The following HMCN1 variants were observed in gnomAD, a reference collection of about 807,000 sequenced individuals.
HMCN1 encodes hemicentin 1.
In HMCN1, 321 loss-of-function variants were observed where a neutral mutation model predicts 625.9. That is an observed-to-expected ratio of 0.51 (90% CI 0.47 to 0.56). HMCN1 has a LOEUF of 0.56. Among genes scored for constraint, HMCN1 ranks in the 20% least tolerant of loss-of-function variants. The pLI, the probability that HMCN1 is intolerant of heterozygous loss-of-function variation, is 0.00. For missense variants in HMCN1, 6,588 were observed against 6,887.3 expected (o/e 0.96, Z 1.54); for synonymous variants, 2,425 against 2,417.6 (o/e 1.00, Z -0.09).
chr1:186,001,590 A>C lies in HMCN1; in HGVS notation c.4201-4A>C. The C allele has an allele frequency of 6.2e-7, 1 of 1,613,024 alleles. No homozygotes were observed. The highest frequency in any genetic ancestry group is 1.1e-5 in the South Asian group (1 of 91,056). ...AATAACACTGACCATTTTGGCCCTT[A>C]AAGGTGACTGAAAGCAGCACTATTC... On this transcript the variant is annotated splice_region_variant and splice_polypyrimidine_tract_variant and intron_variant, in intron 27 of 106. Coordinates refer to ENST00000271588, the MANE Select transcript of HMCN1 (RefSeq NM_031935.3).
intron 30 of HMCN1, among the ~76,000 whole-genome samples, chr1:186,012,837 G>A (rs1049199980): frequency 5.9e-5 from 9 of 152,000 alleles, no homozygotes; most frequent in African/African-American, 1.9e-4. Flanking sequence ...CGGGAATATT[G>A]TGGTGGCTGC....
chr1:185,829,404 C>T (rs1046092070), intron 1 of HMCN1, among the ~76,000 whole-genome samples: 1 of 152,060 alleles, frequency 6.6e-6, no homozygotes, highest in Admixed American at 6.6e-5. Context: ...AAGTTCGCTC[C>T]CCTCACCCCT....
chr1:186,002,308 T>C (rs1653252381), intron 28 of HMCN1, among the ~76,000 whole-genome samples: 1 of 152,144 alleles, frequency 6.6e-6, no homozygotes, highest in Non-Finnish European at 1.5e-5. Flanking sequence ...GTTTGTGAAA[T>C]TATATTTGCC....
At chr1:186,112,730 A>C in intron 71 of HMCN1, 82 bp from the exon 72 acceptor site, 1 of 1,535,824 alleles carries the variant, frequency 6.5e-7, no homozygotes, top group Non-Finnish European at 8.9e-7. Flanking sequence ...AGTTCACTAT[A>C]CTTACTTTTG....
intron 1 of HMCN1, among the ~76,000 whole-genome samples, chr1:185,786,868 C>T (rs1657610777): frequency 6.6e-6 from 1 of 152,244 alleles, no homozygotes; most frequent in East Asian, 1.9e-4. Flanking sequence ...CCCAATGCTA[C>T]GTTTGCCAAC....
intron 30 of HMCN1, among the ~76,000 whole-genome samples, chr1:186,013,246 T>C (rs151002601): frequency 0.014 from 2,076 of 152,260 alleles, 27 homozygotes; most frequent in Middle Eastern, 0.027. Context: ...AAAGTTTGAG[T>C]TTCATATAAT....
chr1:186,190,228 GAAC>G lies in HMCN1; in HGVS notation c.*354_*356del, dbSNP rs1235613459. On this transcript the variant is annotated 3_prime_UTR_variant, in exon 107 of 107. Coordinates refer to ENST00000271588, the MANE Select transcript of HMCN1 (RefSeq NM_031935.3). Reference sequence around the variant, plus strand: ...AGCCAAACCAAACAACGAAAAACAAGAACAACTAATTCAGAATCAAATAGAGTT... The same window carrying G: ...AGCCAAACCAAACAACGAAAAACAAGAACTAATTCAGAATCAAATAGAGTT... 3.7e-6 allele frequency: 1 copy of G among 267,156 alleles called. No individual in the cohort carries two copies. Among genetic ancestry groups the G allele is most frequent in the Non-Finnish European group, 7.2e-6 (1 of 139,088 alleles). 16.5% of individuals were successfully genotyped at this position (267,156 alleles called of 1,614,324 possible). A position where few individuals can be genotyped will look rare whatever the true frequency, so the allele number is the denominator to read the frequency against.
In HMCN1 at chr1:186,015,377, A is replaced by T. The variant is rs751895570; in HGVS notation, c.4849A>T (p.Thr1617Ser). The T allele has an allele frequency of 2.5e-6, 4 of 1,613,532 alleles. No homozygotes were observed. Among genetic ancestry groups the T allele is most frequent in the Non-Finnish European group, 3.4e-6 (4 of 1,179,588 alleles). The change falls in exon 31 of 107, where the codon ACG (threonine) becomes TCG (serine). Residue 1617 changes from threonine to serine, a missense_variant. Thr to Ser is a moderately conservative substitution (Grantham distance 58). Around this residue, in one of 3 missense-constraint regions of HMCN1, gnomAD observed 4,628 missense variants for 4,853.1 expected, o/e 0.95. Coordinates refer to ENST00000271588, the MANE Select transcript of HMCN1 (RefSeq NM_031935.3). ...ACAGGTCTCTGATTCAGCAACATAT[A>T]CGTGTCATGTAGCCAATGTTGCTGG... ...RAQVSDSATY[T>S]CHVANVAGTA...
intron 77 of HMCN1, among the ~76,000 whole-genome samples, chr1:186,117,989 C>T (rs563967849): frequency 2.0e-5 from 3 of 152,212 alleles, no homozygotes; most frequent in East Asian, 3.9e-4. Flanking sequence ...ATTTATCGAA[C>T]ATTTAGTGCC....
In HMCN1 at chr1:185,989,765, G is replaced by A. The variant is rs74134268; in HGVS notation, c.3208+118G>A. 9,503 of 701,702 alleles carry A rather than the reference G, an allele frequency of 0.014. 629 individuals carry two copies. The African/African-American group carries it at 0.15, about 11-fold the overall frequency. 43.5% of individuals were successfully genotyped at this position (701,702 alleles called of 1,614,324 possible). A position where few individuals can be genotyped will look rare whatever the true frequency, so the allele number is the denominator to read the frequency against. Reference sequence around the variant, plus strand: ...ACCCCTAAAGTGAACTGCTCCCCCAGATTTCTATTTTTTTTTTTTTTTTTT... The same window carrying A: ...ACCCCTAAAGTGAACTGCTCCCCCAAATTTCTATTTTTTTTTTTTTTTTTT... On this transcript the variant is annotated intron_variant, in intron 21 of 106. Transcript: ENST00000271588.
chr1:185,978,023 A>G (rs905402350), intron 16 of HMCN1, 42 bp downstream of exon 16: 23 of 1,387,108 alleles, frequency 1.7e-5, no homozygotes, highest in Non-Finnish European at 2.1e-5. Flanking sequence ...ATGTACTTTT[A>G]TGTTATATAT....
chr1:186,165,115 T>G lies in HMCN1; in HGVS notation c.15261T>G (p.Asp5087Glu). The change falls in exon 98 of 107, where the codon GAT becomes GAG. Residue 5087 changes from aspartate to glutamate, a missense_variant. Physicochemically the swap from Asp to Glu is conservative, Grantham distance 45 (BLOSUM62 2). Coordinates refer to ENST00000271588, the MANE Select transcript of HMCN1 (RefSeq NM_031935.3). ...FKIHASISKGDRSNQCPSGFT... is the reference protein window; with the variant it reads ...FKIHASISKGERSNQCPSGFT... ...TTGCTTTCCTCTCTGTGGTAGGAGA[T>G]CGCAGTAATCAGTGCCCCTCCGGGT... 1 of 1,614,060 alleles carries G rather than the reference T, an allele frequency of 6.2e-7. No individual in the cohort carries two copies. Among genetic ancestry groups the G allele is most frequent in the African/African-American group, 1.3e-5 (1 of 75,032 alleles).
rs1667057609 is a variant in HMCN1, at chr1:185,922,603, GAGA to G, written c.1021+107_1021+109del. On this transcript the variant is annotated intron_variant, in intron 7 of 106. Transcript: ENST00000271588. ...TAATTTTGTAGTATTCAATAAAATT[GAGA>G]AGCATAGCTTTAAATGTGACTGTTC... 3.7e-6 allele frequency: 4 copies of G among 1,079,140 alleles called. No homozygotes were observed. The South Asian group carries it at 5.4e-5, about 15-fold the overall frequency. 66.8% of individuals were successfully genotyped at this position (1,079,140 alleles called of 1,614,324 possible).
chr1:186,129,766 G>T (rs1661830770), intron 83 of HMCN1, among the ~76,000 whole-genome samples, 200 bp from the exon 84 acceptor site: 1 of 152,122 alleles, frequency 6.6e-6, no homozygotes, highest in African/African-American at 2.4e-5. Context: ...TCCTTCTGCT[G>T]TTTTTGTTCT....
chr1:186,188,237 A>G (rs548766658), intron 106 of HMCN1, among the ~76,000 whole-genome samples: 1 of 152,324 alleles, frequency 6.6e-6, no homozygotes, highest in African/African-American at 2.4e-5. Context: ...TGTTGCCTGG[A>G]GCAGTCTTCC....
chr1:186,188,914 T>A (rs1653530164), intron 106 of HMCN1, among the ~76,000 whole-genome samples: 1 of 152,180 alleles, frequency 6.6e-6, no homozygotes. Flanking sequence ...TTTATTACCA[T>A]CGGTTTCTGG....
chr1:186,094,374 G>A lies in HMCN1; in HGVS notation c.10294+1G>A. The A allele has an allele frequency of 6.2e-7, 1 of 1,608,668 alleles. No individual in the cohort carries two copies. The highest frequency in any genetic ancestry group is 8.5e-7 in the Non-Finnish European group (1 of 1,175,528). On this transcript the variant is annotated splice_donor_variant, in intron 67 of 106. Coordinates refer to ENST00000271588, the MANE Select transcript of HMCN1 (RefSeq NM_031935.3). LOFTEE classifies it high-confidence loss of function. ...AAGCATTACAATCTTCAAGTGTTTGGTATGTGTCACAGAAATGACCCTATT... is the reference window on the plus strand; with the variant it reads ...AAGCATTACAATCTTCAAGTGTTTGATATGTGTCACAGAAATGACCCTATT...
intron 1 of HMCN1, among the ~76,000 whole-genome samples, chr1:185,781,026 G>T (rs761752961): frequency 5.7e-4 from 87 of 152,174 alleles, no homozygotes; most frequent in African/African-American, 7.7e-4. Context: ...CAATTTCAGA[G>T]CCTGTTATTG....
At chr1:186,165,338 T>C (rs1330356106) in intron 98 of HMCN1, among the ~76,000 whole-genome samples, 165 bp downstream of exon 98, 1 of 152,240 alleles carries the variant, frequency 6.6e-6, no homozygotes, top group East Asian at 1.9e-4. Context: ...AAAGTCAAAC[T>C]ATGGAAAACC....
Sources: gnomAD v4.1 joint callset for allele counts (sites outside exome capture counted in the v4.1 genomes callset) on GRCh38, gnomAD v4.1.1 for gene constraint, gnomAD v4.1.1 regional missense constraint, MANE v1.5 for transcripts, NCBI Gene and HGNC (gene_info 2026-07-23, HGNC 2026-07-21) for gene names.